The following PCDHGA3 variants were observed in gnomAD, a reference collection of about 807,000 sequenced individuals.
PCDHGA3 encodes protocadherin gamma-A3.
In PCDHGA3, 40 loss-of-function variants were observed where a neutral mutation model predicts 58.5. The ratio of observed to expected loss-of-function variants is 0.68; its 90% CI spans 0.53 to 0.89. PCDHGA3 has a LOEUF of 0.89. Ranked by LOEUF, PCDHGA3 falls within the 40% of genes least tolerant of loss-of-function variation. The pLI is 0.00. For missense variants in PCDHGA3, 1,223 were observed against 1,195.9 expected (o/e 1.02, Z -0.33); for synonymous variants, 530 against 525.7 (o/e 1.01, Z -0.11).
At chr5:141,365,948 C>A (rs761134623) in intron 1 of PCDHGA3, 2 of 1,614,186 alleles carry the variant, frequency 1.2e-6, no homozygotes, top group Admixed American at 3.3e-5. Context: ...CAGTGGGAAC[C>A]CTCCACTTAG....
At chr5:141,478,283 T>C (rs755297808) in intron 1 of PCDHGA3, 2 of 1,614,148 alleles carry the variant, frequency 1.2e-6, no homozygotes, top group South Asian at 2.2e-5. Context: ...GTGGAAGCAG[T>C]CTAGAGACCT....
At chr5:141,355,502 A>C in intron 1 of PCDHGA3, 1 of 1,614,064 alleles carries the variant, frequency 6.2e-7, no homozygotes, top group Non-Finnish European at 8.5e-7. Flanking sequence ...AGATCTCCAA[A>C]CTGTGTGACA....
chr5:141,511,041 C>T lies in PCDHGA3; in HGVS notation c.2667C>T (p.Pro889=), dbSNP rs1421629777. 1.5e-5 allele frequency: 24 copies of T among 1,614,076 alleles called. No individual in the cohort carries two copies. The highest frequency in any genetic ancestry group is 5.5e-5 in the South Asian group (5 of 91,092). Residue 889 remains proline, a synonymous_variant, in exon 4 of 4, where the codon CCC becomes CCT. Transcript: ENST00000253812. The part of the protein sequence containing the change: ...YGPQFTLQHV[P]DYRQNVYIPG... ...CCCAGTTCACCCTGCAGCACGTGCCCGACTACCGCCAGAATGTCTACATCC... is the reference window on the plus strand; with the variant it reads ...CCCAGTTCACCCTGCAGCACGTGCCTGACTACCGCCAGAATGTCTACATCC...
intron 1 of PCDHGA3, chr5:141,419,543 G>A (rs573594140): frequency 2.5e-5 from 40 of 1,612,106 alleles, no homozygotes; most frequent in African/African-American, 2.0e-4. Context: ...CGCACCGCGG[G>A]TGCTGTACCC....
At position 141,491,724 on chromosome 5, in the gene PCDHGA3, G is replaced by A; in HGVS notation, c.2425-3083G>A. ...AGGTGAGGGGCTCGGCGCCGCCCCGGGCGACCCCTGGGGGCGGCACTGGAG... is the reference window on the plus strand; with the variant it reads ...AGGTGAGGGGCTCGGCGCCGCCCCGAGCGACCCCTGGGGGCGGCACTGGAG... On this transcript the variant is annotated intron_variant, in intron 1 of 3. Coordinates refer to ENST00000253812, the MANE Select transcript of PCDHGA3 (RefSeq NM_018916.4). This position sits in a 1 kb window ranked among gnomAD's most constrained non-coding sequence, Gnocchi z 6.9. 1 of 1,606,454 alleles carries A rather than the reference G, an allele frequency of 6.2e-7. No individual in the cohort carries two copies. The highest frequency in any genetic ancestry group is 1.1e-5 in the South Asian group (1 of 90,304).
intron 1 of PCDHGA3, among the ~76,000 whole-genome samples, chr5:141,464,935 T>A (rs1157718693): frequency 6.6e-6 from 1 of 151,882 alleles, no homozygotes; most frequent in African/African-American, 2.4e-5. Flanking sequence ...AGATGTGAGG[T>A]CTCACTATGT....
intron 1 of PCDHGA3, chr5:141,370,647 C>T: frequency 6.2e-7 from 1 of 1,613,884 alleles, no homozygotes; most frequent in African/African-American, 1.3e-5. Flanking sequence ...TGGGAACTTA[C>T]TTGTGAGCGA....
rs1355278714 is a variant in PCDHGA3 at position 141,398,651 on chromosome 5, A to G, written c.2424+52194A>G. 10 of 1,613,998 alleles carry G rather than the reference A, an allele frequency of 6.2e-6. No homozygotes were observed. The South Asian group carries it at 1.1e-4, about 18-fold the overall frequency. On this transcript the variant is annotated intron_variant, in intron 1 of 3. Coordinates refer to ENST00000253812, the MANE Select transcript of PCDHGA3 (RefSeq NM_018916.4). ...CTGCAGAAGTATAAACTCTCTCTTA[A>G]CCCAAGTTTCTCATTAATAATTAAG... is the stretch of plus-strand genomic sequence containing the variant.
chr5:141,417,851 G>T (rs1196210157), intron 1 of PCDHGA3: 1 of 1,543,508 alleles, frequency 6.5e-7, no homozygotes. Flanking sequence ...GCGAGAACCC[G>T]AGCGAACGAT....
intron 1 of PCDHGA3, among the ~76,000 whole-genome samples, chr5:141,407,310 T>C (rs1468156890): frequency 6.6e-6 from 1 of 152,224 alleles, no homozygotes; most frequent in Non-Finnish European, 1.5e-5. Context: ...GTAGCCTTCA[T>C]ACTTAGTATT....
At chr5:141,433,097 G>A (rs777101945) in intron 1 of PCDHGA3, 11 of 1,614,044 alleles carry the variant, frequency 6.8e-6, no homozygotes, top group Admixed American at 3.3e-5. Flanking sequence ...AGACATGCTC[G>A]TCAGCCAGGA....
chr5:141,444,280 T>C (rs1217749098), intron 1 of PCDHGA3, among the ~76,000 whole-genome samples: 1 of 147,614 alleles, frequency 6.8e-6, no homozygotes, highest in East Asian at 2.1e-4. Context: ...CAAGTGATTC[T>C]CCTGCCTCAG....
intron 1 of PCDHGA3, among the ~76,000 whole-genome samples, chr5:141,458,921 C>CG (rs2098956905): frequency 6.6e-6 from 1 of 151,960 alleles, no homozygotes; most frequent in African/African-American, 2.4e-5. Flanking sequence ...TTTGTGGAGA[C>CG]GGGGTCTCAC....
intron 1 of PCDHGA3, chr5:141,417,260 G>A (rs1362206061): frequency 1.3e-5 from 2 of 152,174 alleles, no homozygotes; most frequent in Non-Finnish European, 2.9e-5. Context: ...CAGCTTCATA[G>A]ATAATTACTC....
chr5:141,371,003 A>G (rs945261754), intron 1 of PCDHGA3: 20 of 1,613,844 alleles, frequency 1.2e-5, no homozygotes, highest in Non-Finnish European at 1.6e-5. Flanking sequence ...TGGACAGGGA[A>G]GAGCAGCCAC....
At chr5:141,457,330 A>G (rs2098916985) in intron 1 of PCDHGA3, among the ~76,000 whole-genome samples, 1 of 152,174 alleles carries the variant, frequency 6.6e-6, no homozygotes, top group Non-Finnish European at 1.5e-5. Flanking sequence ...GGTTACAGGT[A>G]CCTTACTTAC....
chr5:141,371,950 C>A (rs749822569), intron 1 of PCDHGA3: 2 of 1,613,286 alleles, frequency 1.2e-6, no homozygotes, highest in South Asian at 2.2e-5. Flanking sequence ...GCGCAGCGAG[C>A]CTTCGACCAC....
chr5:141,384,443 A>G, intron 1 of PCDHGA3: 1 of 1,614,030 alleles, frequency 6.2e-7, no homozygotes, highest in Non-Finnish European at 8.5e-7. Flanking sequence ...GGAGTCCTGT[A>G]CGCGCTGCAA....
chr5:141,430,914 T>G (rs750607631), intron 1 of PCDHGA3: 1 of 1,607,676 alleles, frequency 6.2e-7, no homozygotes, highest in Non-Finnish European at 8.5e-7. Context: ...TCCAGGGACC[T>G]GGGGCTGGAG....
Sources: gnomAD v4.1 joint callset for allele counts (sites outside exome capture counted in the v4.1 genomes callset) on GRCh38, gnomAD v4.1.1 for gene constraint, Gnocchi (gnomAD v3.1) non-coding constraint, MANE v1.5 for transcripts, NCBI Gene and HGNC (gene_info 2026-07-23, HGNC 2026-07-21) for gene names.